The following PROZ variants were observed in gnomAD, a reference collection of about 807,000 sequenced individuals.
PROZ encodes the protein protein Z, vitamin K dependent plasma glycoprotein.
A neutral mutation model predicts 34.9 loss-of-function variants in PROZ; 46 were observed. The ratio of observed to expected loss-of-function variants is 1.32; its 90% CI spans 1.04 to 1.69. The LOEUF is 1.69. Among genes scored for constraint, PROZ ranks in the 40% most tolerant of loss-of-function variants. The probability of loss-of-function intolerance (pLI) is 0.00; values close to 1 mark genes in which losing one functional copy is unlikely to be tolerated. For synonymous variants in PROZ, 195 were observed against 208.5 expected (o/e 0.94, Z 0.56); for missense variants, 530 against 520.4 (o/e 1.02, Z -0.18).
rs764869528 is a variant in PROZ at position 113,159,970 on chromosome 13, GC to G, written c.71-41del. The G allele has an allele frequency of 6.2e-7, 1 of 1,609,722 alleles. No homozygotes were observed. Among genetic ancestry groups the G allele is most frequent in the Non-Finnish European group, 8.5e-7 (1 of 1,177,146 alleles). On this transcript the variant is annotated intron_variant, in intron 1 of 7. Coordinates refer to ENST00000375547, the MANE Select transcript of PROZ (RefSeq NM_003891.3). This position sits in a 1 kb window ranked among gnomAD's most constrained non-coding sequence, Gnocchi z 4.6. ...AAGCCAGGCAGCTCTGGAAAGCAGG[GC>G]CCTCGGTGCTCCCAGTCACCTGCCT...
chr13:113,165,621 C>G (rs2036904469), intron 6 of PROZ, among the ~76,000 whole-genome samples: 1 of 152,228 alleles, frequency 6.6e-6, no homozygotes, highest in African/African-American at 2.4e-5. Flanking sequence ...ACCTCTGCCT[C>G]CTGGGCACAA....
rs144364121 is a variant in PROZ at position 113,171,611 on chromosome 13, C to G, written c.709C>G (p.Gln237Glu). 10 of 1,614,156 alleles carry G rather than the reference C, an allele frequency of 6.2e-6. No homozygotes were observed. The highest frequency in any genetic ancestry group is 7.6e-6 in the Non-Finnish European group (9 of 1,180,040). ...GATTTCAGATTTTAACAGAACGAGC[C>G]AAGACCCGCTGATGATCAAGATAAC... Reference protein sequence around the residue: ...TVKTYFNRTSQDPLMIKITHV... With the variant: ...TVKTYFNRTSEDPLMIKITHV... The change falls in exon 8 of 8, where the codon CAA becomes GAA. Residue 237 changes from glutamine to glutamate, a missense_variant. Coordinates refer to ENST00000375547, the MANE Select transcript of PROZ (RefSeq NM_003891.3). The surrounding 1 kb of genome is among the most constrained non-coding windows in gnomAD (Gnocchi z 5.1).
At position 113,163,019 on chromosome 13, in the gene PROZ, G is replaced by A. The variant is rs772962396; in HGVS notation, c.270G>A (p.Pro90=). ...EFWRRYKGGS[P]CISQPCLHNG... is the part of the protein sequence containing the mutation. ...ATCCTCCTCCTGCAGGCGGCTCCCC[G>A]TGCATCTCCCAGCCCTGCCTCCACA... Residue 90 remains proline, a synonymous_variant, in exon 4 of 8, where the codon CCG becomes CCA. Coordinates refer to ENST00000375547, the MANE Select transcript of PROZ (RefSeq NM_003891.3). 1.9e-5 allele frequency: 25 copies of A among 1,307,710 alleles called. No homozygotes were observed. The highest frequency in any genetic ancestry group is 1.5e-4 in the Admixed American group (6 of 40,332). 81.0% of individuals were successfully genotyped at this position (1,307,710 alleles called of 1,614,324 possible).
chr13:113,161,440 A>T (rs2036757779), intron 3 of PROZ, among the ~76,000 whole-genome samples: 1 of 152,116 alleles, frequency 6.6e-6, no homozygotes, highest in South Asian at 2.1e-4. Flanking sequence ...CAGAAGTAAC[A>T]CAGATGGAGA....
Position 113,172,077 on chromosome 13 carries a change from C to T in PROZ, c.1175C>T (p.Ser392Leu). The T allele has an allele frequency of 6.2e-7, 1 of 1,612,974 alleles. No individual in the cohort carries two copies. Among genetic ancestry groups the T allele is most frequent in the Non-Finnish European group, 8.5e-7 (1 of 1,180,006 alleles). The change falls in exon 8 of 8, where the codon TCA (serine) becomes TTA (leucine). Residue 392 changes from serine to leucine, a missense_variant. Ser to Leu is a moderately radical substitution (Grantham distance 145, BLOSUM62 -2). Transcript: ENST00000375547. ...MVLVTKVSRY[S>L]LWFKQIMN The stretch of plus-strand genomic sequence containing the variant: ...CTTGTCACCAAGGTCTCCAGGTACT[C>T]ACTCTGGTTTAAACAGATCATGAAC...
intron 6 of PROZ, chr13:113,166,208 T>C (rs1006253568): frequency 6.6e-6 from 1 of 152,240 alleles, no homozygotes; most frequent in African/African-American, 2.4e-5. Flanking sequence ...CACAATAATG[T>C]AAGTAAAAGC....
At chr13:113,168,616 ATTTTG>A (rs2037017355) in intron 6 of PROZ, among the ~76,000 whole-genome samples, 1 of 152,170 alleles carries the variant, frequency 6.6e-6, no homozygotes, top group African/African-American at 2.4e-5. Flanking sequence ...TCTATCATGG[ATTTTG>A]AATTTAATTA....
rs560160965 is a variant in PROZ, at chr13:113,170,030, C to T, written c.574-383C>T. Among the ~76,000 whole-genome samples the T allele has an allele frequency of 9.2e-5, 14 of 152,330 alleles. No homozygotes were observed. The East Asian group carries it at 2.7e-3, about 29-fold the overall frequency. Reference sequence around the variant, plus strand: ...TCCAACTGAGATGCCCCGTCCTGCTCTGCACCATGGAAATTCTGGACAGTA... The same window carrying T: ...TCCAACTGAGATGCCCCGTCCTGCTTTGCACCATGGAAATTCTGGACAGTA... On this transcript the variant is annotated intron_variant, in intron 6 of 7. Transcript: ENST00000375547.
intron 3 of PROZ, among the ~76,000 whole-genome samples, chr13:113,161,236 G>T (rs1037730875): frequency 6.6e-6 from 1 of 152,226 alleles, no homozygotes; most frequent in Non-Finnish European, 1.5e-5. Context: ...TGGGACATGG[G>T]CCACAGGCCA....
rs1205787780 is a variant in PROZ at position 113,171,948 on chromosome 13, T to C, written c.1046T>C (p.Met349Thr). 2.5e-6 allele frequency: 4 copies of C among 1,613,604 alleles called. No homozygotes were observed. Among genetic ancestry groups the C allele is most frequent in the East Asian group, 4.5e-5 (2 of 44,890 alleles). ...TGTGAGAGAAGCAGCGTGGCGGCCATGCACTGGATGGATGGAAGTGTGGTC... is the reference window on the plus strand; with the variant it reads ...TGTGAGAGAAGCAGCGTGGCGGCCACGCACTGGATGGATGGAAGTGTGGTC... The part of the protein sequence containing the change: ...TYCERSSVAA[M>T]HWMDGSVVTR... The change falls in exon 8 of 8, where the codon ATG becomes ACG. Residue 349 changes from methionine to threonine, a missense_variant. Met to Thr is a moderately conservative substitution (Grantham distance 81). Coordinates refer to ENST00000375547, the MANE Select transcript of PROZ (RefSeq NM_003891.3). This position sits in a 1 kb window ranked among gnomAD's most constrained non-coding sequence, Gnocchi z 5.1.
chr13:113,172,195 A>G lies in PROZ; in HGVS notation c.*90A>G. 1 of 1,529,790 alleles carries G rather than the reference A, an allele frequency of 6.5e-7. No homozygotes were observed. Among genetic ancestry groups the G allele is most frequent in the South Asian group, 1.2e-5 (1 of 85,456 alleles). 94.8% of individuals were successfully genotyped at this position (1,529,790 alleles called of 1,614,324 possible). On this transcript the variant is annotated 3_prime_UTR_variant, in exon 8 of 8. Coordinates refer to ENST00000375547, the MANE Select transcript of PROZ (RefSeq NM_003891.3). ...CTGTGGAGGGCGCTGAAACTTCATC[A>G]CACACTGAGAGGCCGTCACAGCCCC...
rs987530264 is a variant in PROZ, at chr13:113,160,943, T to C, written c.235-5T>C. ...TTGTAACATTTTTATGTTTTAACTC[T>C]AAAGGATGAATTCTGGAGACGATAT... On this transcript the variant is annotated splice_region_variant and splice_polypyrimidine_tract_variant and intron_variant, in intron 2 of 7. Transcript: ENST00000375547. 1.2e-6 allele frequency: 2 copies of C among 1,601,526 alleles called. No individual in the cohort carries two copies. Among genetic ancestry groups the C allele is most frequent in the Non-Finnish European group, 1.7e-6 (2 of 1,169,112 alleles).
chr13:113,165,115 T>C lies in PROZ; in HGVS notation c.568T>C (p.Trp190Arg). 1 of 1,611,742 alleles carries C rather than the reference T, an allele frequency of 6.2e-7. No homozygotes were observed. The highest frequency in any genetic ancestry group is 8.5e-7 in the Non-Finnish European group (1 of 1,179,946). Residue 190 changes from tryptophan (W) to arginine (R), a missense_variant, in exon 6 of 8, where the codon TGG becomes CGG. By Grantham distance (101) the Trp-to-Arg change is moderately radical. Transcript: ENST00000375547. ...TGCACCGGATCTACAGGACCTCCCG[T>C]GGCAGGTAACAGAGCGCTCTCCGCG... ...KRAPDLQDLP[W>R]QVKLTNSEGK...
chr13:113,170,313 G>C, intron 6 of PROZ, 100 bp from the exon 7 acceptor site: 1 of 721,514 alleles, frequency 1.4e-6, no homozygotes, highest in Non-Finnish European at 2.5e-6. Context: ...GGGTGGGGGT[G>C]GGGGTGGGGG....
At position 113,164,499 on chromosome 13, in the gene PROZ, T is replaced by TC; in HGVS notation, c.374-14_374-13insC. 6.7e-7 allele frequency: 1 copy of TC among 1,488,414 alleles called. No individual in the cohort carries two copies. Among genetic ancestry groups the TC allele is most frequent in the Non-Finnish European group, 8.9e-7 (1 of 1,118,000 alleles). The allele number at this position is 1,488,414 out of a possible 1,614,324, so 92.2% of individuals were successfully genotyped here. ...TTCCAAGCTAGCATTTCCTTTTTTT[T>TC]TTTTCCTTTTCAGCTAAAAATGAAT... On this transcript the variant is annotated splice_polypyrimidine_tract_variant and intron_variant, in intron 4 of 7. Coordinates refer to ENST00000375547, the MANE Select transcript of PROZ (RefSeq NM_003891.3).
At position 113,164,617 on chromosome 13, in the gene PROZ, G is replaced by A. The variant is rs766757717; in HGVS notation, c.478G>A (p.Glu160Lys). Residue 160 changes from glutamate (E) to lysine (K), a missense_variant, in exon 5 of 8, where the codon GAG becomes AAG. Coordinates refer to ENST00000375547, the MANE Select transcript of PROZ (RefSeq NM_003891.3). ...CSCAQGYRLG[E>K]DHKQCVPHDQ... ...CTGTGCTCAGGGCTACAGGCTTGGT[G>A]AGGACCACAAACAGTGTGTGCCCCA... is the stretch of plus-strand genomic sequence containing the variant. 1.2e-6 allele frequency: 2 copies of A among 1,613,786 alleles called. No individual in the cohort carries two copies. The highest frequency in any genetic ancestry group is 8.5e-7 in the Non-Finnish European group (1 of 1,179,986).
chr13:113,160,633 A>G (rs1318648721), intron 2 of PROZ, among the ~76,000 whole-genome samples: 1 of 152,204 alleles, frequency 6.6e-6, no homozygotes, highest in Non-Finnish European at 1.5e-5. Flanking sequence ...GGTGGCGTGG[A>G]GATTGGCCCT....
chr13:113,165,013 G>C, intron 5 of PROZ, 40 bp from the exon 6 acceptor site: 1 of 1,594,820 alleles, frequency 6.3e-7, no homozygotes, highest in Non-Finnish European at 8.6e-7. Flanking sequence ...TCGCTGAGAA[G>C]GCGCTGATTT....
intron 4 of PROZ, among the ~76,000 whole-genome samples, chr13:113,163,788 C>T (rs1164516025): frequency 6.6e-6 from 1 of 151,816 alleles, no homozygotes; most frequent in Non-Finnish European, 1.5e-5. Flanking sequence ...GGTGGAAAGC[C>T]CCCATCCCAG....
Sources: gnomAD v4.1 joint callset for allele counts (sites outside exome capture counted in the v4.1 genomes callset) on GRCh38, gnomAD v4.1.1 for gene constraint, Gnocchi (gnomAD v3.1) non-coding constraint, MANE v1.5 for transcripts, NCBI Gene and HGNC (gene_info 2026-07-23, HGNC 2026-07-21) for gene names.